The following EXOC4 variants were observed in gnomAD, a reference collection of about 807,000 sequenced individuals.
EXOC4 encodes exocyst complex component 4.
In EXOC4, 71 loss-of-function variants were observed where a neutral mutation model predicts 107.2. The ratio of observed to expected loss-of-function variants is 0.66; its 90% confidence interval spans 0.55 to 0.81. EXOC4 has a LOEUF of 0.81. Among genes scored for constraint, EXOC4 ranks in the 30% least tolerant of loss-of-function variants. The probability of loss-of-function intolerance (pLI) is 0.00; values close to 1 mark genes in which losing one functional copy is unlikely to be tolerated. For missense variants in EXOC4, 1,108 were observed against 1,189.6 expected, an observed-to-expected ratio of 0.93 and a Z score of 1.01; for synonymous variants, 456 against 441.2, an observed-to-expected ratio of 1.03 and a Z score of -0.42.
chr7:133,588,012 G>A (rs1429413275), intron 9 of EXOC4, among the ~76,000 whole-genome samples: 1 of 152,132 alleles, frequency 6.6e-6, no homozygotes, highest in African/African-American at 2.4e-5. Flanking sequence ...TTTTTCCCTT[G>A]AGGATTTGAC....
intron 17 of EXOC4, among the ~76,000 whole-genome samples, chr7:134,012,302 G>A (rs1794788606): frequency 3.3e-5 from 5 of 152,152 alleles, no homozygotes; most frequent in Admixed American, 3.3e-4. Flanking sequence ...GAAAACTGTG[G>A]CAATAATCTT....
rs561776355 is a variant in EXOC4 at position 133,838,882 on chromosome 7, G to A, written c.1734+21338G>A. Reference sequence around the variant, plus strand: ...AGTACAATTTTATTTACAAAACAATGTGGCAGCTGGATTTGGCTTGCAGGC... The same window carrying A: ...AGTACAATTTTATTTACAAAACAATATGGCAGCTGGATTTGGCTTGCAGGC... On this transcript the variant is annotated intron_variant, in intron 11 of 17. Transcript: ENST00000253861. Among the ~76,000 whole-genome samples, 3 of 152,342 alleles carry A rather than the reference G, an allele frequency of 2.0e-5. No individual in the cohort carries two copies. In the East Asian group the frequency reaches 5.8e-4, roughly 29 times the overall value.
chr7:133,526,033 G>A (rs1053381655), intron 9 of EXOC4, among the ~76,000 whole-genome samples: 10 of 152,266 alleles, frequency 6.6e-5, no homozygotes, highest in African/African-American at 2.4e-4. Flanking sequence ...CTTTCCTAAA[G>A]GGCTGAGTTC....
At chr7:133,418,723 A>G (rs185632261) in intron 7 of EXOC4, among the ~76,000 whole-genome samples, 15 of 152,256 alleles carry the variant, frequency 9.9e-5, no homozygotes, top group African/African-American at 2.4e-4. Context: ...TGTACTCACT[A>G]CTAGTAGTTA....
chr7:133,833,589 G>A (rs559972875), intron 11 of EXOC4, among the ~76,000 whole-genome samples: 1 of 152,212 alleles, frequency 6.6e-6, no homozygotes, highest in South Asian at 2.1e-4. Context: ...TTGAAACAGG[G>A]TCTCACTCTG....
chr7:133,500,114 A>C (rs781658770), intron 9 of EXOC4, among the ~76,000 whole-genome samples: 1 of 152,216 alleles, frequency 6.6e-6, no homozygotes, highest in Non-Finnish European at 1.5e-5. Context: ...AATAACTTGC[A>C]TTTGAAATGG....
the EXOC4 span, among the ~76,000 whole-genome samples, chr7:134,089,524 T>C: frequency 6.6e-6 from 1 of 152,192 alleles, no homozygotes; most frequent in Non-Finnish European, 1.5e-5. Context: ...AACATCTAAC[T>C]TCACGTGTCC....
chr7:133,480,943 C>T (rs1424195765), intron 9 of EXOC4: 10 of 151,630 alleles, frequency 6.6e-5, no homozygotes, highest in Non-Finnish European at 1.5e-4. Flanking sequence ...TTCCCAGCTA[C>T]TCAGGAGGCT....
At chr7:133,408,113 G>A (rs1797265382) in intron 7 of EXOC4, among the ~76,000 whole-genome samples, 1 of 152,038 alleles carries the variant, frequency 6.6e-6, no homozygotes, top group Admixed American at 6.6e-5. Context: ...AGCCATGGTA[G>A]AGATGTTGGT....
chr7:134,055,076 C>T (rs1400257592), intron 17 of EXOC4, among the ~76,000 whole-genome samples: 2 of 152,220 alleles, frequency 1.3e-5, no homozygotes, highest in Non-Finnish European at 2.9e-5. Context: ...TGCTGATTTA[C>T]ATATGTTTAC....
rs1206467959 is a variant in EXOC4, at chr7:133,971,334, G to GTATATATATATA, written c.2207-26141_2207-26130dup. ...CTTATAAGAAATGTGGGGAAAATGT[G>GTATATATATATA]TATATATATATATATATATATATAT... On this transcript the variant is annotated intron_variant, in intron 14 of 17. Coordinates refer to ENST00000253861, the MANE Select transcript of EXOC4 (RefSeq NM_021807.4). 5.3e-3 allele frequency among the ~76,000 whole-genome samples: 220 copies of GTATATATATATA among 41,678 alleles called. 4 individuals carry two copies. Among genetic ancestry groups the GTATATATATATA allele is most frequent in the Middle Eastern group, 0.018 (1 of 56 alleles). 27.3% of individuals were successfully genotyped at this position (41,678 alleles called of 152,430 possible).
At chr7:134,013,149 T>A (rs538443844) in intron 17 of EXOC4, among the ~76,000 whole-genome samples, 1 of 152,294 alleles carries the variant, frequency 6.6e-6, no homozygotes, top group Non-Finnish European at 1.5e-5. Flanking sequence ...AATTAGAGTA[T>A]TTTTAGTGTG....
chr7:133,273,820 A>G (rs1793928370), intron 1 of EXOC4, among the ~76,000 whole-genome samples: 1 of 152,168 alleles, frequency 6.6e-6, no homozygotes, highest in African/African-American at 2.4e-5. Context: ...CTAATGATGG[A>G]CTTATAATTG....
intron 14 of EXOC4, among the ~76,000 whole-genome samples, chr7:133,944,949 T>G (rs1400387152): frequency 6.6e-6 from 1 of 152,142 alleles, no homozygotes; most frequent in South Asian, 2.1e-4. Flanking sequence ...AAAAATAAAG[T>G]CTTATTTTAA....
intron 13 of EXOC4, among the ~76,000 whole-genome samples, chr7:133,920,977 T>C (rs1033114433): frequency 2.1e-4 from 32 of 152,176 alleles, no homozygotes; most frequent in Admixed American, 2.0e-3. Context: ...ACAGACCTAA[T>C]AGGATGGAGG....
chr7:133,323,718 G>A (rs1032924733), intron 5 of EXOC4, among the ~76,000 whole-genome samples: 3 of 152,162 alleles, frequency 2.0e-5, no homozygotes, highest in Non-Finnish European at 4.4e-5. Context: ...GATGATGCTG[G>A]CCTCATAAAA....
At chr7:133,965,496 A>T (rs1285273263) in intron 14 of EXOC4, among the ~76,000 whole-genome samples, 1 of 152,138 alleles carries the variant, frequency 6.6e-6, no homozygotes, top group Non-Finnish European at 1.5e-5. Context: ...ATCTTGACTT[A>T]ATTTTTGTAT....
chr7:133,874,230 C>G (rs1798805021), intron 11 of EXOC4, among the ~76,000 whole-genome samples: 1 of 152,114 alleles, frequency 6.6e-6, no homozygotes, highest in African/African-American at 2.4e-5. Flanking sequence ...TGTTTGGAGC[C>G]CAGGTCTCCT....
In EXOC4 at chr7:133,354,079, T is replaced by A. The variant is rs558165684; in HGVS notation, c.764-2251T>A. ...AGCATCTTTAAAACAGTTAAAACTT[T>A]AAAAAAAACTTTTTAAAAGTTTTTT... On this transcript the variant is annotated intron_variant, in intron 5 of 17. Coordinates refer to ENST00000253861, the MANE Select transcript of EXOC4 (RefSeq NM_021807.4). Among the ~76,000 whole-genome samples, 9 of 151,968 alleles carry A rather than the reference T, an allele frequency of 5.9e-5. No homozygotes were observed. The South Asian group carries it at 6.2e-4, about 11-fold the overall frequency.
Sources: gnomAD v4.1 joint callset for allele counts (sites outside exome capture counted in the v4.1 genomes callset) on GRCh38, gnomAD v4.1.1 for gene constraint, MANE v1.5 for transcripts, NCBI Gene and HGNC (gene_info 2026-07-23, HGNC 2026-07-21) for gene names.